The following PMF1 variants were observed in gnomAD, a reference collection of about 807,000 sequenced individuals.
The protein encoded by PMF1 is polyamine modulated factor 1.
Under a neutral mutation model 26.7 loss-of-function variants are expected in PMF1, and 21 were observed. That is an observed-to-expected ratio of 0.79 (90% CI 0.56 to 1.13). The LOEUF (loss-of-function observed/expected upper bound fraction) is 1.13, where lower values mean the gene tolerates loss of function less well. PMF1 is among the 50% of genes most tolerant of loss of function. The probability of loss-of-function intolerance (pLI) is 0.00; values close to 1 mark genes in which losing one functional copy is unlikely to be tolerated. For synonymous variants in PMF1, 105 were observed against 101.0 expected (o/e 1.04, Z -0.24); for missense variants, 266 against 254.9 (o/e 1.04, Z -0.30).
Position 156,233,696 on chromosome 1 carries a change from G to T in PMF1, c.336G>T (p.Val112=). The T allele has an allele frequency of 6.2e-7, 1 of 1,613,980 alleles. No homozygotes were observed. The highest frequency in any genetic ancestry group is 8.5e-7 in the Non-Finnish European group (1 of 1,179,968). ...EAVLNALDKI[V]EEGKVRKEPA... ...TCTTGAATGCCTTGGATAAAATTGTGGAAGAAGGCAAAGTCCGCAAAGAGC... is the reference window on the plus strand; with the variant it reads ...TCTTGAATGCCTTGGATAAAATTGTTGAAGAAGGCAAAGTCCGCAAAGAGC... Residue 112 remains valine, a synonymous_variant, in exon 3 of 5, where the codon GTG becomes GTT. Coordinates refer to ENST00000368277, the MANE Select transcript of PMF1 (RefSeq NM_007221.4).
chr1:156,229,765 G>A (rs1270101619), intron 1 of PMF1, among the ~76,000 whole-genome samples: 1 of 152,056 alleles, frequency 6.6e-6, no homozygotes, highest in Non-Finnish European at 1.5e-5. Flanking sequence ...TAGAGACGAG[G>A]TTTCTCCATG....
chr1:156,213,011 T>TC lies in PMF1; in HGVS notation c.-4dup. The TC allele has an allele frequency of 1.9e-6, 3 of 1,614,130 alleles. No homozygotes were observed. The highest frequency in any genetic ancestry group is 2.5e-6 in the Non-Finnish European group (3 of 1,179,978). On this transcript the variant is annotated 5_prime_UTR_variant, in exon 1 of 5. Coordinates refer to ENST00000368277, the MANE Select transcript of PMF1 (RefSeq NM_007221.4). The stretch of plus-strand genomic sequence containing the variant: ...GCCAGTTAGATTTGGAGGTTCAACT[T>TC]CAACATGGCCGAAGCAAGTAGCGCC...
chr1:156,224,487 A>T (rs1287181055), intron 1 of PMF1, among the ~76,000 whole-genome samples: 1 of 152,210 alleles, frequency 6.6e-6, no homozygotes, highest in East Asian at 1.9e-4. Context: ...ATTAAGAAAC[A>T]TTTATCAGGC....
In PMF1 at chr1:156,234,335, G is replaced by A. The variant is rs374447865; in HGVS notation, c.368+607G>A. Among the ~76,000 whole-genome samples, 149 of 148,244 alleles carry A rather than the reference G, an allele frequency of 1.0e-3. 2 individuals are homozygous for A. In the South Asian group the frequency reaches 0.032, roughly 32 times the overall value. ...CCTGAGGGAGCTCATTTTAGGGTCT[G>A]TTGGTCCTGTGGGAGAAAGGGTGGG... is the stretch of plus-strand genomic sequence containing the variant. On this transcript the variant is annotated intron_variant, in intron 3 of 4. Coordinates refer to ENST00000368277, the MANE Select transcript of PMF1 (RefSeq NM_007221.4).
Position 156,228,288 on chromosome 1 carries a change from T to TTTTTTTTTTC in PMF1, c.162-4032_162-4031insTTTTTTTTTC, listed in dbSNP as rs1371074585. Reference sequence around the variant, plus strand: ...TTTTTTTTTTTTTTTTTTTTTTTTTTAGTGTATCACTTTCCTGCTTCTCCC... The same window carrying TTTTTTTTTTC: ...TTTTTTTTTTTTTTTTTTTTTTTTTTTTTTTTTTTCAGTGTATCACTTTCCTGCTTCTCCC... On this transcript the variant is annotated intron_variant, in intron 1 of 4. Transcript: ENST00000368277. 2.1e-5 allele frequency among the ~76,000 whole-genome samples: 3 copies of TTTTTTTTTTC among 143,792 alleles called. 1 individual carries two copies. Among genetic ancestry groups the TTTTTTTTTTC allele is most frequent in the Non-Finnish European group, 4.6e-5 (3 of 65,772 alleles). 94.3% of individuals were successfully genotyped at this position (143,792 alleles called of 152,430 possible).
At position 156,236,349 on chromosome 1, in the gene PMF1, C is replaced by T; in HGVS notation, c.430C>T (p.Gln144Ter). Residue 144 changes from glutamine to a stop codon, truncating the protein, a stop_gained, in exon 4 of 5, where the codon CAA (glutamine) becomes TAA (stop). Transcript: ENST00000368277. LOFTEE classifies it high-confidence loss of function. ...TGTTATGGCACCCTACTTCCTGCAG[C>T]AACGGGACACCCTGCGGCGCCATGT... is the stretch of plus-strand genomic sequence containing the variant. Reference protein sequence around the residue: ...HSVMAPYFLQQRDTLRRHVQK... With the variant: ...HSVMAPYFLQ 1 of 1,614,234 alleles carries T rather than the reference C, an allele frequency of 6.2e-7. No individual in the cohort carries two copies. Among genetic ancestry groups the T allele is most frequent in the South Asian group, 1.1e-5 (1 of 91,088 alleles).
chr1:156,232,905 T>C (rs1490553760), intron 2 of PMF1, among the ~76,000 whole-genome samples: 2 of 147,884 alleles, frequency 1.4e-5, no homozygotes, highest in Non-Finnish European at 3.0e-5. Flanking sequence ...CCTAAAATTT[T>C]AATTTTTTTC....
chr1:156,217,252 A>G (rs1430955073), intron 1 of PMF1, among the ~76,000 whole-genome samples: 1 of 151,858 alleles, frequency 6.6e-6, no homozygotes, highest in Non-Finnish European at 1.5e-5. Flanking sequence ...AAAAGAAAAA[A>G]AAAAAAGGAA....
intron 1 of PMF1, among the ~76,000 whole-genome samples, chr1:156,228,264 T>TC (rs1558193717): frequency 5.0e-5 from 7 of 139,432 alleles, no homozygotes; most frequent in Non-Finnish European, 9.3e-5. Context: ...CGATTTTTTT[T>TC]TTTTTTTTTT....
chr1:156,225,654 C>A, intron 1 of PMF1: 1 of 1,558,452 alleles, frequency 6.4e-7, no homozygotes, highest in Non-Finnish European at 8.7e-7. Context: ...GTGCAGGTTA[C>A]CACAGGGGAG....
intron 3 of PMF1, among the ~76,000 whole-genome samples, chr1:156,235,707 C>T (rs1658973850): frequency 6.6e-6 from 1 of 152,112 alleles, no homozygotes; most frequent in South Asian, 2.1e-4. Flanking sequence ...TCCCAAAGTG[C>T]TGGGATTACA....
chr1:156,218,563 C>T (rs1239429629), intron 1 of PMF1, among the ~76,000 whole-genome samples: 3 of 152,178 alleles, frequency 2.0e-5, no homozygotes, highest in South Asian at 2.1e-4. Context: ...GGGCAGATCA[C>T]GAGGTCAAGA....
intron 2 of PMF1, 37 bp downstream of exon 2, chr1:156,232,462 G>C: frequency 6.2e-7 from 1 of 1,601,166 alleles, no homozygotes; most frequent in Non-Finnish European, 8.6e-7. Context: ...CTGTTGACTT[G>C]GGTTCTGTCT....
At chr1:156,224,925 A>G (rs1223436922) in intron 1 of PMF1, among the ~76,000 whole-genome samples, 1 of 150,544 alleles carries the variant, frequency 6.6e-6, no homozygotes, top group Non-Finnish European at 1.5e-5. Context: ...TTTTTGAGTC[A>G]GTCTTGCTCT....
rs373016056 is a variant in PMF1, at chr1:156,236,237, C to T, written c.369-51C>T. Reference sequence around the variant, plus strand: ...TGGGCTTGGAAGCTGAACCTTCTTCCACAAGGGCCTTCCGCCTCCTTCATT... The same window carrying T: ...TGGGCTTGGAAGCTGAACCTTCTTCTACAAGGGCCTTCCGCCTCCTTCATT... On this transcript the variant is annotated intron_variant, in intron 3 of 4. Transcript: ENST00000368277. 4.3e-5 allele frequency: 67 copies of T among 1,563,122 alleles called. No homozygotes were observed. The African/African-American group carries it at 7.5e-4, about 17-fold the overall frequency.
At chr1:156,217,949 T>C (rs955827100) in intron 1 of PMF1, among the ~76,000 whole-genome samples, 7 of 152,214 alleles carry the variant, frequency 4.6e-5, no homozygotes, top group African/African-American at 1.7e-4. Context: ...GAGGGATCAC[T>C]GGATCCTAGA....
chr1:156,231,112 G>A (rs554626707), intron 1 of PMF1, among the ~76,000 whole-genome samples: 2 of 150,632 alleles, frequency 1.3e-5, no homozygotes, highest in Non-Finnish European at 2.9e-5. Flanking sequence ...AGCTACTCAG[G>A]AGGCTGAGGC....
At chr1:156,225,282 C>CT (rs58481427) in intron 1 of PMF1, among the ~76,000 whole-genome samples, 33,689 of 71,426 alleles carry the variant, frequency 0.47, 9,346 homozygotes, top group East Asian at 0.67. Context: ...CAGTCCTCAG[C>CT]TTTTTTTTTT....
Position 156,236,356 on chromosome 1 carries a change from A to G in PMF1, c.437A>G (p.Asp146Gly). ...GCACCCTACTTCCTGCAGCAACGGG[A>G]CACCCTGCGGCGCCATGTGCAGAAA... ...VMAPYFLQQR[D>G]TLRRHVQKQE... Residue 146 changes from aspartate (D) to glycine (G), a missense_variant, in exon 4 of 5, where the codon GAC becomes GGC. Physicochemically the swap from Asp to Gly is moderately conservative, Grantham distance 94 (BLOSUM62 -1). Coordinates refer to ENST00000368277, the MANE Select transcript of PMF1 (RefSeq NM_007221.4). 1 of 1,614,214 alleles carries G rather than the reference A, an allele frequency of 6.2e-7. No homozygotes were observed. The highest frequency in any genetic ancestry group is 8.5e-7 in the Non-Finnish European group (1 of 1,180,032).
Sources: allele counts gnomAD v4.1 joint callset (sites outside exome capture counted in the v4.1 genomes callset), GRCh38; gene constraint gnomAD v4.1.1; transcripts MANE v1.5; gene names NCBI Gene and HGNC (gene_info 2026-07-23, HGNC 2026-07-21).